The following STON1 variants were observed in gnomAD, a reference collection of about 807,000 sequenced individuals.
STON1 encodes the protein stonin 1.
In STON1, 79 loss-of-function variants were observed where a neutral mutation model predicts 60.9. The observed-to-expected ratio is 1.30, with a 90% confidence interval of 1.08 to 1.56. STON1 has a LOEUF of 1.56. Among genes scored for constraint, STON1 ranks in the 40% most tolerant of loss-of-function variants. The pLI, the probability that STON1 is intolerant of heterozygous loss-of-function variation, is 0.00. For missense variants in STON1, 1,166 were observed against 858.9 expected (o/e 1.36, Z -4.47); for synonymous variants, 363 against 306.9 (o/e 1.18, Z -1.91).
At chr2:48,578,558 T>TCTCCTCCTC (rs1199074783) in intron 1 of STON1, among the ~76,000 whole-genome samples, 2 of 54,618 alleles carry the variant, frequency 3.7e-5, no homozygotes, top group East Asian at 9.1e-4. Context: ...TTCTCCTCCT[T>TCTCCTCCTC]CTCCTCCTCC....
At chr2:48,530,440 C>G (rs1203838866) in intron 1 of STON1, 2 of 205,256 alleles carry the variant, frequency 9.7e-6, no homozygotes, top group Non-Finnish European at 1.9e-5. Context: ...CTCGGCTCCC[C>G]TCTGTTCTGA....
chr2:48,536,420 T>A (rs1558564740), intron 1 of STON1, among the ~76,000 whole-genome samples: 1 of 151,596 alleles, frequency 6.6e-6, no homozygotes, highest in Non-Finnish European at 1.5e-5. Context: ...TGGTGGTGGG[T>A]GCCTATAATC....
intron 3 of STON1, among the ~76,000 whole-genome samples, chr2:48,593,787 T>C (rs1674653563): frequency 1.3e-5 from 2 of 152,224 alleles, no homozygotes; most frequent in African/African-American, 4.8e-5. Flanking sequence ...AGGATTTTTC[T>C]TTATTTTGGA....
intron 1 of STON1, among the ~76,000 whole-genome samples, chr2:48,535,787 G>A (rs1193422411): frequency 1.3e-5 from 2 of 151,938 alleles, no homozygotes; most frequent in Non-Finnish European, 2.9e-5. Flanking sequence ...GAGCATTTGT[G>A]ATTACACAAA....
In STON1 at chr2:48,591,758, A is replaced by T. The variant is rs1407045292; in HGVS notation, c.2036A>T (p.Asp679Val). 3 of 1,614,142 alleles carry T rather than the reference A, an allele frequency of 1.9e-6. No homozygotes were observed. Among genetic ancestry groups the T allele is most frequent in the Non-Finnish European group, 1.7e-6 (2 of 1,180,030 alleles). ...PFATVQFSVP[D>V]TCASRTEVRS... is the part of the protein sequence containing the mutation. Reference sequence around the variant, plus strand: ...GCTACTGTTCAGTTTTCCGTGCCTGACACCTGTGCCTCAAGGACAGAGGTC... The same window carrying T: ...GCTACTGTTCAGTTTTCCGTGCCTGTCACCTGTGCCTCAAGGACAGAGGTC... Residue 679 changes from aspartate (D) to valine (V), a missense_variant, in exon 3 of 4, where the codon GAC becomes GTC. Transcript: ENST00000404752.
At chr2:48,568,333 C>A (rs1673036821) in intron 1 of STON1, among the ~76,000 whole-genome samples, 1 of 152,150 alleles carries the variant, frequency 6.6e-6, no homozygotes, top group Non-Finnish European at 1.5e-5. Context: ...TGCCATATGA[C>A]CTGGATTGCT....
intron 1 of STON1, among the ~76,000 whole-genome samples, chr2:48,546,178 T>A (rs550389349): frequency 6.6e-6 from 1 of 152,324 alleles, no homozygotes. Context: ...GATTTGACCC[T>A]GTTTATTGTC....
Position 48,554,723 on chromosome 2 carries a change from TTTA to T in STON1, c.-48+24510_-48+24512del, listed in dbSNP as rs1324707751. On this transcript the variant is annotated intron_variant, in intron 1 of 3. Transcript: ENST00000404752. ...AAGTGCAAAATTTTTTTTTTTTTTT[TTTA>T]TTTATTTATTTATTTTTTTATTGAT... Among the ~76,000 whole-genome samples the T allele has an allele frequency of 5.2e-4, 45 of 85,998 alleles. 4 individuals carry two copies. The South Asian group carries it at 0.012, about 22-fold the overall frequency. The allele number at this position is 85,998 out of a possible 152,430, so 56.4% of individuals were successfully genotyped here. A position where few individuals can be genotyped will look rare whatever the true frequency, so the allele number is the denominator to read the frequency against.
chr2:48,561,150 A>G (rs979780634), intron 1 of STON1, among the ~76,000 whole-genome samples: 2 of 152,166 alleles, frequency 1.3e-5, no homozygotes, highest in African/African-American at 4.8e-5. Flanking sequence ...CTCTCTGGAT[A>G]CTGCCTCTTG....
chr2:48,567,445 C>T (rs1282443335), intron 1 of STON1, among the ~76,000 whole-genome samples: 2 of 152,060 alleles, frequency 1.3e-5, no homozygotes, highest in Non-Finnish European at 2.9e-5. Flanking sequence ...GCAGTCTTGC[C>T]CTGTCATCCA....
intron 1 of STON1, among the ~76,000 whole-genome samples, chr2:48,552,643 G>C (rs986646787): frequency 6.6e-6 from 1 of 151,912 alleles, no homozygotes; most frequent in East Asian, 1.9e-4. Flanking sequence ...GGTGGCAGGC[G>C]CCTGTAATCC....
At chr2:48,595,173 G>C (rs571615663) in intron 3 of STON1, 55 bp from the exon 4 acceptor site, 21 of 1,357,178 alleles carry the variant, frequency 1.5e-5, no homozygotes, top group Non-Finnish European at 2.2e-5. Flanking sequence ...CTGAAGAGGT[G>C]TGAGTGCTGT....
At chr2:48,586,801 A>G (rs534448640) in intron 2 of STON1, among the ~76,000 whole-genome samples, 1 of 152,304 alleles carries the variant, frequency 6.6e-6, no homozygotes, top group African/African-American at 2.4e-5. Context: ...GGAGTAGATT[A>G]TAGACACAGG....
intron 2 of STON1, among the ~76,000 whole-genome samples, chr2:48,588,469 G>A (rs561854084): frequency 6.6e-6 from 1 of 152,176 alleles, no homozygotes; most frequent in East Asian, 1.9e-4. Flanking sequence ...TCCCACCTCA[G>A]CCTCCCAAGT....
At chr2:48,565,703 G>A (rs1320345146) in intron 1 of STON1, among the ~76,000 whole-genome samples, 1 of 152,176 alleles carries the variant, frequency 6.6e-6, no homozygotes, top group Non-Finnish European at 1.5e-5. Flanking sequence ...CTCCTGACTG[G>A]AGAAAGCAGG....
chr2:48,548,777 G>T (rs1405305992), intron 1 of STON1, among the ~76,000 whole-genome samples: 1 of 152,184 alleles, frequency 6.6e-6, no homozygotes, highest in Non-Finnish European at 1.5e-5. Flanking sequence ...TGGGATTACA[G>T]GCGTGAGCCA....
At chr2:48,565,044 TC>T in intron 1 of STON1, among the ~76,000 whole-genome samples, 1 of 108,234 alleles carries the variant, frequency 9.2e-6, no homozygotes, top group South Asian at 3.1e-4. Flanking sequence ...TCCGGCTTCT[TC>T]TTTTTTTTTT....
chr2:48,566,218 C>G (rs1053909236), intron 1 of STON1, among the ~76,000 whole-genome samples: 3 of 152,170 alleles, frequency 2.0e-5, no homozygotes, highest in Non-Finnish European at 2.9e-5. Context: ...CTCTGTCACC[C>G]AGGCTGGAGT....
At chr2:48,582,665 C>A in intron 2 of STON1, 102 bp downstream of exon 2, 1 of 1,493,380 alleles carries the variant, frequency 6.7e-7, no homozygotes, top group Non-Finnish European at 8.9e-7. Flanking sequence ...GGCAATTTGT[C>A]AGCTGAGGCT....
Sources: gnomAD v4.1 joint callset for allele counts (sites outside exome capture counted in the v4.1 genomes callset) on GRCh38, gnomAD v4.1.1 for gene constraint, MANE v1.5 for transcripts, NCBI Gene and HGNC (gene_info 2026-07-23, HGNC 2026-07-21) for gene names.